EDA: variants seen among roughly 807,000 people sequenced by gnomAD.
EDA encodes the protein ectodysplasin-A.
Under a neutral mutation model 23.6 loss-of-function variants are expected in EDA, and 2 were observed. The observed-to-expected ratio is 0.08, with a 90% confidence interval of 0.03 to 0.27. The LOEUF (loss-of-function observed/expected upper bound fraction) is 0.27, where lower values mean the gene tolerates loss of function less well. Ranked by LOEUF, EDA falls within the 10% of genes least tolerant of loss-of-function variation. The pLI is 1.00. For synonymous variants in EDA, 131 were observed against 132.0 expected, an observed-to-expected ratio of 0.99 and a Z score of 0.05; for missense variants, 229 against 324.2, an observed-to-expected ratio of 0.71 and a Z score of 2.26.
At chrX:69,622,687 GT>G (rs1338861618) in intron 1 of EDA, among the ~76,000 whole-genome samples, 1 of 111,739 alleles carries the variant, frequency 8.9e-6, no homozygotes, top group Non-Finnish European at 1.9e-5. Flanking sequence ...ATGAACAGAA[GT>G]TTTTAATTTT....
chrX:69,859,737 G>A (rs2017339000), intron 1 of EDA, among the ~76,000 whole-genome samples: 1 of 111,436 alleles, frequency 9.0e-6, no homozygotes, highest in African/African-American at 3.3e-5. Flanking sequence ...TATCTATCAG[G>A]TTCATATGAT....
intron 1 of EDA, among the ~76,000 whole-genome samples, chrX:69,734,333 G>T (rs1477127829): frequency 9.0e-6 from 1 of 111,329 alleles, no homozygotes; most frequent in African/African-American, 3.3e-5. Context: ...TGTTTTCTTG[G>T]TCAGTCTAGC....
chrX:69,975,266 G>A (rs369793743), intron 2 of EDA, among the ~76,000 whole-genome samples: 43 of 111,885 alleles, frequency 3.8e-4, no homozygotes, highest in African/African-American at 1.1e-3. Context: ...CATATACACC[G>A]TGGAATATAA....
intron 1 of EDA, among the ~76,000 whole-genome samples, chrX:69,938,331 T>A (rs1318395518): frequency 8.9e-6 from 1 of 112,189 alleles, no homozygotes; most frequent in Non-Finnish European, 1.9e-5. Context: ...CTCATTGTAG[T>A]TTCAATTTGC....
rs150205673 is a variant in EDA, at chrX:70,021,915, G to A, written c.503-1303G>A. Among the ~76,000 whole-genome samples the A allele has an allele frequency of 5.8e-3, 645 of 111,763 alleles. 3 individuals carry two copies. The highest frequency in any genetic ancestry group is 0.02 in the African/African-American group (613 of 30,757). On this transcript the variant is annotated intron_variant, in intron 2 of 7. Transcript: ENST00000374552. The stretch of plus-strand genomic sequence containing the variant: ...CTCTTATAGTTAGAGATCATTCCAC[G>A]TTTGTTGCAAATATCAAATGAGATG...
Position 69,709,982 on chromosome X carries a change from C to G in EDA, c.396+93278C>G, listed in dbSNP as rs1404654966. ...TCTAATAGTAGTTTCTTTTGCTGTG[C>G]AGAAGCTCTTGAGTTTAATTAGATC... On this transcript the variant is annotated intron_variant, in intron 1 of 7. Coordinates refer to ENST00000374552, the MANE Select transcript of EDA (RefSeq NM_001399.5). 3.6e-5 allele frequency among the ~76,000 whole-genome samples: 4 copies of G among 111,880 alleles called. No individual in the cohort carries two copies. In the East Asian group the frequency reaches 1.1e-3, roughly 31 times the overall value.
intron 1 of EDA, among the ~76,000 whole-genome samples, chrX:69,689,194 G>A (rs780726478): frequency 2.7e-5 from 3 of 110,239 alleles, no homozygotes; most frequent in African/African-American, 6.6e-5. Flanking sequence ...CGTATGAGTC[G>A]TATAACTGTT....
chrX:69,751,681 T>C (rs1169655518), intron 1 of EDA, among the ~76,000 whole-genome samples: 1 of 112,019 alleles, frequency 8.9e-6, no homozygotes, highest in Non-Finnish European at 1.9e-5. Context: ...TTCCATTTGT[T>C]TGTATCCTCT....
At chrX:69,904,222 A>G (rs2018145109) in intron 1 of EDA, among the ~76,000 whole-genome samples, 1 of 112,274 alleles carries the variant, frequency 8.9e-6, no homozygotes, top group Non-Finnish European at 1.9e-5. Flanking sequence ...TTCCAAATCA[A>G]TTCTTCTAGT....
chrX:69,797,103 C>T (rs996478629), intron 1 of EDA, among the ~76,000 whole-genome samples: 33 of 110,264 alleles, frequency 3.0e-4, no homozygotes, highest in Non-Finnish European at 6.1e-4. Context: ...ATAAAGTGAA[C>T]AAATACTTGA....
rs111810062 is a variant in EDA, at chrX:69,810,244, C to A, written c.397-146783C>A. Among the ~76,000 whole-genome samples the A allele has an allele frequency of 7.4e-5, 5 of 67,413 alleles. No individual in the cohort carries two copies. The Admixed American group carries it at 1.1e-3, about 15-fold the overall frequency. 58.5% of individuals were successfully genotyped at this position (67,413 alleles called of 115,157 possible). A position where few individuals can be genotyped will look rare whatever the true frequency, so the allele number is the denominator to read the frequency against. On this transcript the variant is annotated intron_variant, in intron 1 of 7. Transcript: ENST00000374552. ...TTGCACTCCAGCCTGGGTGACAGAGCGAGACTCCATCTCAAAAAAAAAAAA... is the reference window on the plus strand; with the variant it reads ...TTGCACTCCAGCCTGGGTGACAGAGAGAGACTCCATCTCAAAAAAAAAAAA...
At chrX:69,877,166 C>T (rs545264575) in intron 1 of EDA, among the ~76,000 whole-genome samples, 1 of 111,648 alleles carries the variant, frequency 9.0e-6, no homozygotes, top group African/African-American at 3.3e-5. Flanking sequence ...TTTAAATTAG[C>T]CAGGCATGAT....
intron 1 of EDA, among the ~76,000 whole-genome samples, chrX:69,800,321 A>G (rs2015652942): frequency 9.0e-6 from 1 of 111,487 alleles, no homozygotes; most frequent in Admixed American, 9.6e-5. Flanking sequence ...AATGTTCAGT[A>G]GCAGAGTAGG....
At chrX:70,018,008 G>A (rs1042122921) in intron 2 of EDA, among the ~76,000 whole-genome samples, 1 of 111,839 alleles carries the variant, frequency 8.9e-6, no homozygotes, top group Non-Finnish European at 1.9e-5. Flanking sequence ...GCAAGTTTCA[G>A]GATATAAAAT....
At chrX:69,704,876 C>T (rs1335754547) in intron 1 of EDA, among the ~76,000 whole-genome samples, 2 of 110,556 alleles carry the variant, frequency 1.8e-5, no homozygotes, top group East Asian at 2.8e-4. Context: ...ATATGTATAT[C>T]GGTATACATA....
intron 1 of EDA, among the ~76,000 whole-genome samples, chrX:69,739,514 C>T (rs2147371205): frequency 9.0e-6 from 1 of 110,836 alleles, no homozygotes; most frequent in East Asian, 2.8e-4. Flanking sequence ...TTATATCTGC[C>T]ACTTTGCTTT....
chrX:69,808,751 G>A (rs1367209873), intron 1 of EDA, among the ~76,000 whole-genome samples: 2 of 112,184 alleles, frequency 1.8e-5, no homozygotes, highest in Non-Finnish European at 3.8e-5. Flanking sequence ...CTGCAACTGA[G>A]AGGCTATTCA....
intron 1 of EDA, among the ~76,000 whole-genome samples, chrX:69,904,848 G>C (rs762798085): frequency 1.6e-4 from 18 of 111,985 alleles, no homozygotes; most frequent in African/African-American, 5.2e-4. Context: ...TGTTGCAAAT[G>C]ACAGGATCTC....
At chrX:69,754,007 G>A (rs2014004258) in intron 1 of EDA, among the ~76,000 whole-genome samples, 2 of 110,562 alleles carry the variant, frequency 1.8e-5, no homozygotes, top group South Asian at 7.7e-4. Context: ...CACATGGATG[G>A]GTCTTGACTC....
Sources: allele counts gnomAD v4.1 joint callset (sites outside exome capture counted in the v4.1 genomes callset), GRCh38; gene constraint gnomAD v4.1.1; transcripts MANE v1.5; gene names NCBI Gene and HGNC (gene_info 2026-07-23, HGNC 2026-07-21).